Variants in FAM184B observed in about 807,000 individuals in gnomAD.
FAM184B encodes family with sequence similarity 184 member B, also known as protein FAM184B.
Under a neutral mutation model 135.9 loss-of-function variants are expected in FAM184B, and 111 were observed. That is an observed-to-expected ratio of 0.82 (90% CI 0.70 to 0.96). The LOEUF (loss-of-function observed/expected upper bound fraction) is 0.96, where lower values mean the gene tolerates loss of function less well. Ranked by LOEUF, FAM184B falls within the 40% of genes least tolerant of loss-of-function variation. The pLI is 0.00. For synonymous variants in FAM184B, 552 were observed against 524.8 expected (o/e 1.05, Z -0.71); for missense variants, 1,375 against 1,323.9 (o/e 1.04, Z -0.60).
At chr4:17,634,406 C>T (rs771676584) in intron 16 of FAM184B, among the ~76,000 whole-genome samples, 3 of 152,170 alleles carry the variant, frequency 2.0e-5, no homozygotes, top group Admixed American at 6.5e-5. Context: ...TCACTGCAAC[C>T]TCCGCCTCCT....
Position 17,632,476 on chromosome 4 carries a change from A to G in FAM184B, c.*56T>C, listed in dbSNP as rs1327843332. 7.4e-7 allele frequency: 1 copy of G among 1,360,102 alleles called. No individual in the cohort carries two copies. Among genetic ancestry groups the G allele is most frequent in the South Asian group, 1.3e-5 (1 of 77,710 alleles). 84.3% of individuals were successfully genotyped at this position (1,360,102 alleles called of 1,614,324 possible). On this transcript the variant is annotated 3_prime_UTR_variant, in exon 18 of 18. Transcript: ENST00000265018. ...GGTGTTAGTTCATTCCTTCAATCGG[A>G]TGATTTAAAATAAATGTTTTTCAAG...
chr4:17,781,312 C>T lies in FAM184B; in HGVS notation c.-13G>A. Reference sequence around the variant, plus strand: ...GAGCAGAAGCCATCGCTAAAACGCGCCCAGCACTCAGACTCTCTCGTTTTC... The same window carrying T: ...GAGCAGAAGCCATCGCTAAAACGCGTCCAGCACTCAGACTCTCTCGTTTTC... On this transcript the variant is annotated 5_prime_UTR_variant, in exon 1 of 18. Transcript: ENST00000265018. This position sits in a 1 kb window ranked among gnomAD's most constrained non-coding sequence, Gnocchi z 6.5. 1.3e-6 allele frequency: 2 copies of T among 1,523,086 alleles called. No homozygotes were observed. The highest frequency in any genetic ancestry group is 1.8e-6 in the Non-Finnish European group (2 of 1,128,830). 94.3% of individuals were successfully genotyped at this position (1,523,086 alleles called of 1,614,324 possible).
At chr4:17,779,984 C>T (rs1419192545) in intron 1 of FAM184B, among the ~76,000 whole-genome samples, 1 of 152,226 alleles carries the variant, frequency 6.6e-6, no homozygotes, top group Admixed American at 6.5e-5. Flanking sequence ...ACCAGCTATA[C>T]ATGTCAAGAA....
chr4:17,683,434 A>T lies in FAM184B; in HGVS notation c.1596+4990T>A, dbSNP rs1047687272. On this transcript the variant is annotated intron_variant, in intron 7 of 17. Coordinates refer to ENST00000265018, the MANE Select transcript of FAM184B (RefSeq NM_015688.2). The stretch of plus-strand genomic sequence containing the variant: ...ACCTCACAAAGACCCTCTGGAGTAG[A>T]TACTATCATTATCCTTGGTGTATAA... 4.6e-5 allele frequency among the ~76,000 whole-genome samples: 7 copies of T among 152,332 alleles called. 1 individual carries two copies. In the East Asian group the frequency reaches 1.4e-3, roughly 29 times the overall value.
At chr4:17,724,345 A>G (rs138379613) in intron 1 of FAM184B, among the ~76,000 whole-genome samples, 214 of 152,302 alleles carry the variant, frequency 1.4e-3, no homozygotes, top group Non-Finnish European at 2.0e-3. Flanking sequence ...GGCTAAAGGT[A>G]TACCATCAAA....
At chr4:17,644,981 A>G (rs1234195213) in intron 12 of FAM184B, among the ~76,000 whole-genome samples, 1 of 152,222 alleles carries the variant, frequency 6.6e-6, no homozygotes, top group Non-Finnish European at 1.5e-5. Flanking sequence ...ACTCCCATTC[A>G]CAATTGCTTC....
At chr4:17,670,425 C>T (rs990375131) in intron 7 of FAM184B, among the ~76,000 whole-genome samples, 1 of 152,154 alleles carries the variant, frequency 6.6e-6, no homozygotes, top group East Asian at 1.9e-4. Context: ...GGACAAGGAT[C>T]TCATGACAGT....
rs543367843 is a variant in FAM184B at position 17,639,718 on chromosome 4, G to A, written c.2520-322C>T. Among the ~76,000 whole-genome samples, 5 of 152,214 alleles carry A rather than the reference G, an allele frequency of 3.3e-5. No homozygotes were observed. In the East Asian group the frequency reaches 7.8e-4, roughly 24 times the overall value. ...AACACACTCTTCACTTGGGACAGGC[G>A]GGGAGGCAAGAGGCTGAGATTCTCT... On this transcript the variant is annotated intron_variant, in intron 13 of 17. Transcript: ENST00000265018.
At chr4:17,731,118 C>A (rs148005307) in intron 1 of FAM184B, among the ~76,000 whole-genome samples, 1 of 152,010 alleles carries the variant, frequency 6.6e-6, no homozygotes, top group Non-Finnish European at 1.5e-5. Context: ...TTACAGACAA[C>A]CAAATGCTGA....
At chr4:17,722,590 A>G (rs1048281890) in intron 1 of FAM184B, among the ~76,000 whole-genome samples, 7 of 152,334 alleles carry the variant, frequency 4.6e-5, no homozygotes, top group African/African-American at 1.7e-4. Flanking sequence ...AAACCAATTT[A>G]GGCTGAGACT....
intron 17 of FAM184B, chr4:17,633,409 A>G: frequency 3.6e-6 from 1 of 280,976 alleles, no homozygotes; most frequent in Non-Finnish European, 6.6e-6. Flanking sequence ...TTTAAAGGCA[A>G]GGTATATGGA....
chr4:17,652,573 C>T (rs1294719966), intron 11 of FAM184B, among the ~76,000 whole-genome samples: 1 of 152,230 alleles, frequency 6.6e-6, no homozygotes, highest in Non-Finnish European at 1.5e-5. Flanking sequence ...TTGTCCCTGA[C>T]ATGTGTGCCT....
chr4:17,760,497 CAAACAAA>C lies in FAM184B; in HGVS notation c.141+20655_141+20661del, dbSNP rs202118858. ...AAAAAAAAAAACAAAAACAAACAAA[CAAACAAA>C]AAACAAAAAACCCTGAAATTCTACA... On this transcript the variant is annotated intron_variant, in intron 1 of 17. Transcript: ENST00000265018. Among the ~76,000 whole-genome samples the C allele has an allele frequency of 4.7e-3, 704 of 150,886 alleles. 25 individuals are homozygous for C. The East Asian group carries it at 0.087, about 19-fold the overall frequency.
At chr4:17,649,199 T>G (rs867528467) in intron 11 of FAM184B, among the ~76,000 whole-genome samples, 14 of 152,306 alleles carry the variant, frequency 9.2e-5, no homozygotes, top group South Asian at 2.1e-4. Flanking sequence ...AGTGTATTCA[T>G]TATAAAAGCT....
rs1471227841 is a variant in FAM184B at position 17,632,072 on chromosome 4, T to G, written c.*460A>C. The G allele has an allele frequency of 6.5e-5, 2 of 30,926 alleles. No homozygotes were observed. 1.9% of individuals were successfully genotyped at this position (30,926 alleles called of 1,614,324 possible). A position where few individuals can be genotyped will look rare whatever the true frequency, so the allele number is the denominator to read the frequency against. On this transcript the variant is annotated 3_prime_UTR_variant, in exon 18 of 18. Coordinates refer to ENST00000265018, the MANE Select transcript of FAM184B (RefSeq NM_015688.2). The stretch of plus-strand genomic sequence containing the variant: ...TTTTTTTTTTTTTTTTTTTTTTTTT[T>G]TTTTTTTTTTTTTTTGGAGACAGGG...
intron 11 of FAM184B, among the ~76,000 whole-genome samples, chr4:17,650,003 C>T (rs1458772920): frequency 6.6e-6 from 1 of 152,086 alleles, no homozygotes; most frequent in Non-Finnish European, 1.5e-5. Context: ...CCCAATCATC[C>T]ACCCATCCAT....
chr4:17,653,232 GT>G (rs1436542752), intron 10 of FAM184B, among the ~76,000 whole-genome samples: 1 of 152,150 alleles, frequency 6.6e-6, no homozygotes, highest in South Asian at 2.1e-4. Context: ...GCCAATCAAA[GT>G]TCCTTTAATG....
chr4:17,641,905 G>T, intron 13 of FAM184B, 151 bp downstream of exon 13: 1 of 1,179,776 alleles, frequency 8.5e-7, no homozygotes, highest in Non-Finnish European at 1.1e-6. Context: ...GTGAAATGCT[G>T]GCGCATTCAG....
chr4:17,764,390 G>A (rs980214787), intron 1 of FAM184B, among the ~76,000 whole-genome samples: 17 of 152,160 alleles, frequency 1.1e-4, no homozygotes, highest in Non-Finnish European at 4.4e-5. Context: ...AGGGCTCATC[G>A]AAGCACATGC....
Sources: gnomAD v4.1 joint callset for allele counts (sites outside exome capture counted in the v4.1 genomes callset) on GRCh38, gnomAD v4.1.1 for gene constraint, Gnocchi (gnomAD v3.1) non-coding constraint, MANE v1.5 for transcripts, NCBI Gene and HGNC (gene_info 2026-07-23, HGNC 2026-07-21) for gene names.